The following ZNF429 variants were observed in gnomAD, a reference collection of about 807,000 sequenced individuals.
ZNF429 encodes the protein zinc finger protein 429.
A neutral mutation model predicts 56.8 loss-of-function variants in ZNF429; 53 were observed. That is an observed-to-expected ratio of 0.93 (90% CI 0.75 to 1.17). ZNF429 has a LOEUF of 1.17. Ranked by LOEUF, ZNF429 falls within the 50% of genes most tolerant of loss-of-function variation. ZNF429 has a pLI of 0.00. For synonymous variants in ZNF429, 278 were observed against 264.7 expected, an observed-to-expected ratio of 1.05 and a Z score of -0.49; for missense variants, 849 against 788.4, an observed-to-expected ratio of 1.08 and a Z score of -0.92.
At chr19:21,521,938 G>A (rs1346386618) in intron 1 of ZNF429, 1 of 152,316 alleles carries the variant, frequency 6.6e-6, no homozygotes, top group Non-Finnish European at 1.5e-5. Context: ...GTGCTGCTAT[G>A]GCAATTGGGG....
chr19:21,523,113 C>T (rs774483760), intron 1 of ZNF429, among the ~76,000 whole-genome samples: 6 of 152,114 alleles, frequency 3.9e-5, no homozygotes, highest in African/African-American at 7.2e-5. Context: ...CAGAGTAACA[C>T]GTGTGCATTG....
At chr19:21,516,861 C>T (rs779299822) in intron 1 of ZNF429, among the ~76,000 whole-genome samples, 2 of 152,144 alleles carry the variant, frequency 1.3e-5, no homozygotes, top group Admixed American at 1.3e-4. Flanking sequence ...ATAGGGTTTT[C>T]TAGATATAGA....
intron 1 of ZNF429, among the ~76,000 whole-genome samples, chr19:21,525,870 A>AAAG (rs2033149368): frequency 7.0e-4 from 1 of 1,422 alleles, no homozygotes; most frequent in African/African-American, 4.6e-3. Flanking sequence ...AGAAACAGAA[A>AAAG]AATTAAAATT....
At chr19:21,511,645 C>A (rs1416222475) in intron 1 of ZNF429, among the ~76,000 whole-genome samples, 4 of 151,422 alleles carry the variant, frequency 2.6e-5, no homozygotes, top group Admixed American at 6.6e-5. Context: ...GGCGGCCAGG[C>A]AGAGACGCTC....
intron 3 of ZNF429, among the ~76,000 whole-genome samples, chr19:21,531,442 T>C: frequency 6.6e-6 from 1 of 152,172 alleles, no homozygotes; most frequent in African/African-American, 2.4e-5. Context: ...AAAACTGTAT[T>C]GTACCCATTG....
At chr19:21,523,324 G>A (rs982257262) in intron 1 of ZNF429, among the ~76,000 whole-genome samples, 15 of 152,094 alleles carry the variant, frequency 9.9e-5, no homozygotes, top group African/African-American at 3.1e-4. Flanking sequence ...TTTTTAGGTC[G>A]GGGCGAAAGT....
At chr19:21,507,389 G>A (rs771587142) in intron 1 of ZNF429, 7 of 152,158 alleles carry the variant, frequency 4.6e-5, no homozygotes, top group Non-Finnish European at 1.0e-4. Context: ...TTTTGACAAA[G>A]CATTGGATGG....
intron 1 of ZNF429, among the ~76,000 whole-genome samples, chr19:21,512,703 AC>A (rs1287040026): frequency 1.3e-5 from 2 of 151,254 alleles, no homozygotes; most frequent in East Asian, 3.9e-4. Flanking sequence ...GAATGCCTTA[AC>A]TGTTTGGGAA....
At chr19:21,516,615 C>A (rs913570242) in intron 1 of ZNF429, among the ~76,000 whole-genome samples, 1 of 152,108 alleles carries the variant, frequency 6.6e-6, no homozygotes, top group African/African-American at 2.4e-5. Flanking sequence ...GTTCTGACTT[C>A]TTTAAGAAGT....
intron 1 of ZNF429, among the ~76,000 whole-genome samples, chr19:21,506,423 C>A (rs2145404291): frequency 8.2e-6 from 1 of 121,884 alleles, no homozygotes; most frequent in African/African-American, 3.2e-5. Flanking sequence ...GGCTGGTTGA[C>A]ACAATGAGAC....
chr19:21,530,157 G>C, intron 2 of ZNF429, among the ~76,000 whole-genome samples: 11 of 150,098 alleles, frequency 7.3e-5, no homozygotes, highest in East Asian at 2.0e-4. Flanking sequence ...CACCACTGCA[G>C]TCCAGCCTGG....
At chr19:21,512,613 G>A (rs1245902183) in intron 1 of ZNF429, among the ~76,000 whole-genome samples, 1 of 133,918 alleles carries the variant, frequency 7.5e-6, no homozygotes, top group Non-Finnish European at 1.5e-5. Flanking sequence ...ACAGTGACCC[G>A]AGATCACGCC....
At position 21,536,433 on chromosome 19, in the gene ZNF429, A is replaced by G. The variant is rs201746630; in HGVS notation, c.380A>G (p.Lys127Arg). ...ACTGTAGGTGATTGTAAGCTATACA[A>G]AGGAGGTTATAATGGACTTAACCAA... Reference protein sequence around the residue: ...YKTVGDCKLYKGGYNGLNQCL... With the variant: ...YKTVGDCKLYRGGYNGLNQCL... Residue 127 changes from lysine to arginine, a missense_variant, in exon 4 of 4, where the codon AAA becomes AGA. Lys to Arg is a conservative substitution (Grantham distance 26). Transcript: ENST00000358491. 253 of 1,613,872 alleles carry G rather than the reference A, an allele frequency of 1.6e-4. 1 individual carries two copies. Among genetic ancestry groups the G allele is most frequent in the Non-Finnish European group, 1.9e-4 (221 of 1,179,878 alleles).
chr19:21,531,131 C>CAAAAAAAAAAA, intron 3 of ZNF429, among the ~76,000 whole-genome samples: 1 of 44,784 alleles, frequency 2.2e-5, no homozygotes, highest in African/African-American at 1.1e-4. Flanking sequence ...AAAAAAAAAC[C>CAAAAAAAAAAA]AAAAAAAAAA....
chr19:21,522,740 T>C (rs1271248047), intron 1 of ZNF429, among the ~76,000 whole-genome samples: 1 of 151,858 alleles, frequency 6.6e-6, no homozygotes, highest in Non-Finnish European at 1.5e-5. Context: ...TCTAAAAAAA[T>C]ACAAAAATTA....
At chr19:21,530,805 T>A in intron 3 of ZNF429, 121 bp downstream of exon 3, 1 of 837,420 alleles carries the variant, frequency 1.2e-6, no homozygotes, top group Non-Finnish European at 1.8e-6. Context: ...TCTGAAAAAC[T>A]GTGTTCTAAA....
chr19:21,517,407 G>A (rs1396633202), intron 1 of ZNF429, among the ~76,000 whole-genome samples: 1 of 151,480 alleles, frequency 6.6e-6, no homozygotes, highest in Non-Finnish European at 1.5e-5. Flanking sequence ...TCTTTTTTTT[G>A]TTTTATGTTT....
At chr19:21,505,909 G>A in intron 1 of ZNF429, 135 bp downstream of exon 1, 1 of 960,236 alleles carries the variant, frequency 1.0e-6, no homozygotes, top group Non-Finnish European at 1.6e-6. Flanking sequence ...GCCCAGCTCG[G>A]CTTCAGTCCC....
chr19:21,524,221 T>C (rs2033083197), intron 1 of ZNF429, among the ~76,000 whole-genome samples: 1 of 152,184 alleles, frequency 6.6e-6, no homozygotes, highest in South Asian at 2.1e-4. Context: ...ATAACACAAC[T>C]ATACCTACCT....
Sources: allele counts gnomAD v4.1 joint callset (sites outside exome capture counted in the v4.1 genomes callset), GRCh38; gene constraint gnomAD v4.1.1; transcripts MANE v1.5; gene names NCBI Gene and HGNC (gene_info 2026-07-23, HGNC 2026-07-21).